SLC26A7: variants seen among roughly 807,000 people sequenced by gnomAD.
The protein encoded by SLC26A7 is solute carrier family 26 member 7.
A neutral mutation model predicts 82.5 loss-of-function variants in SLC26A7; 59 were observed. The observed-to-expected ratio is 0.72, with a 90% CI of 0.58 to 0.89. The LOEUF (loss-of-function observed/expected upper bound fraction) is 0.89, where lower values mean the gene tolerates loss of function less well. SLC26A7 is among the 40% of genes least tolerant of loss of function. SLC26A7 has a pLI of 0.00. For synonymous variants in SLC26A7, 271 were observed against 274.3 expected, an observed-to-expected ratio of 0.99 and a Z score of 0.12; for missense variants, 820 against 793.0, an observed-to-expected ratio of 1.03 and a Z score of -0.41.
In SLC26A7 at chr8:91,397,728, C is replaced by A. The variant is rs752899885; in HGVS notation, c.*2631C>A. On this transcript the variant is annotated 3_prime_UTR_variant, in exon 19 of 19. Coordinates refer to ENST00000276609, the MANE Select transcript of SLC26A7 (RefSeq NM_052832.4). ...TTGCAGTAATTTATTTGACAGATCT[C>A]TATTCTATAAATGTGTAATGTGATG... 6.6e-6 allele frequency: 1 copy of A among 152,500 alleles called. No individual in the cohort carries two copies. Among genetic ancestry groups the A allele is most frequent in the Non-Finnish European group, 1.5e-5 (1 of 67,954 alleles). 9.4% of individuals were successfully genotyped at this position (152,500 alleles called of 1,614,324 possible).
chr8:91,370,513 C>A (rs1338916773), intron 15 of SLC26A7, among the ~76,000 whole-genome samples: 1 of 151,978 alleles, frequency 6.6e-6, no homozygotes, highest in Non-Finnish European at 1.5e-5. Context: ...CAAACTAGCA[C>A]TTTAAAGCTA....
At chr8:91,297,692 A>G (rs929467985) in intron 4 of SLC26A7, among the ~76,000 whole-genome samples, 1 of 152,148 alleles carries the variant, frequency 6.6e-6, no homozygotes, top group African/African-American at 2.4e-5. Flanking sequence ...ATTGTCAACT[A>G]GAAACTTCAA....
At chr8:91,388,335 C>G (rs1028818200) in intron 15 of SLC26A7, among the ~76,000 whole-genome samples, 2 of 152,024 alleles carry the variant, frequency 1.3e-5, no homozygotes, top group Non-Finnish European at 2.9e-5. Flanking sequence ...CAAGCTCCGC[C>G]TCCCGGGTTA....
intron 12 of SLC26A7, among the ~76,000 whole-genome samples, 177 bp from the exon 13 acceptor site, chr8:91,363,295 C>G (rs1373059004): frequency 3.9e-5 from 6 of 151,920 alleles, no homozygotes; most frequent in Non-Finnish European, 8.8e-5. Context: ...TAACCTCTAT[C>G]CCCGAATATC....
intron 3 of SLC26A7, among the ~76,000 whole-genome samples, chr8:91,291,420 T>A (rs1021502217): frequency 6.6e-5 from 10 of 152,320 alleles, no homozygotes; most frequent in Non-Finnish European, 1.3e-4. Context: ...AAAGCCTATT[T>A]TTTCAATTAT....
chr8:91,368,740 A>C (rs1257607067), intron 14 of SLC26A7, among the ~76,000 whole-genome samples: 1 of 152,076 alleles, frequency 6.6e-6, no homozygotes, highest in African/African-American at 2.4e-5. Context: ...GGTATTTTTA[A>C]GAGGAGGGAA....
chr8:91,313,583 G>T (rs1242567127), intron 4 of SLC26A7, among the ~76,000 whole-genome samples: 1 of 151,916 alleles, frequency 6.6e-6, no homozygotes, highest in Non-Finnish European at 1.5e-5. Context: ...AACATTTCAG[G>T]CCCCACCCAA....
intron 2 of SLC26A7, among the ~76,000 whole-genome samples, chr8:91,280,907 C>T (rs936421625): frequency 3.3e-5 from 5 of 152,154 alleles, no homozygotes; most frequent in Admixed American, 2.6e-4. Context: ...AGCTATATTT[C>T]TTTGGGAAAT....
intron 1 of SLC26A7, among the ~76,000 whole-genome samples, chr8:91,215,995 G>T (rs1810039437): frequency 1.3e-5 from 2 of 152,176 alleles, no homozygotes; most frequent in Non-Finnish European, 2.9e-5. Flanking sequence ...TAGAGATGAT[G>T]AATCTAGATG....
intron 6 of SLC26A7, among the ~76,000 whole-genome samples, chr8:91,336,675 T>C (rs1454352540): frequency 6.6e-6 from 1 of 152,156 alleles, no homozygotes; most frequent in African/African-American, 2.4e-5. Flanking sequence ...TACACGCATA[T>C]TGAATTAATA....
intron 1 of SLC26A7, among the ~76,000 whole-genome samples, chr8:91,218,624 T>C (rs981876012): frequency 2.0e-5 from 3 of 152,180 alleles, no homozygotes; most frequent in Non-Finnish European, 2.9e-5. Context: ...TTTCAAACAC[T>C]TTATGGTTAG....
At chr8:91,338,309 G>A in intron 7 of SLC26A7, 77 bp downstream of exon 7, 2 of 908,580 alleles carry the variant, frequency 2.2e-6, no homozygotes, top group Non-Finnish European at 3.3e-6. Flanking sequence ...GGGAGTGAGT[G>A]GGTATGGATA....
Position 91,340,464 on chromosome 8 carries a change from C to T in SLC26A7, c.939C>T (p.Phe313=), listed in dbSNP as rs551383153. 2.8e-5 allele frequency: 45 copies of T among 1,613,846 alleles called. 1 individual carries two copies. Among genetic ancestry groups the T allele is most frequent in the East Asian group, 6.7e-5 (3 of 44,872 alleles). The change falls in exon 8 of 19, where the codon TTC becomes TTT. Residue 313 remains phenylalanine, a synonymous_variant. Coordinates refer to ENST00000276609, the MANE Select transcript of SLC26A7 (RefSeq NM_052832.4). ...TCTCTGCGGTGATCACTGAAGCTTT[C>T]GGAGTGGCACTTGTAGGCTATGTGG... is the stretch of plus-strand genomic sequence containing the variant. ...NILSAVITEA[F]GVALVGYVAS...
intron 15 of SLC26A7, among the ~76,000 whole-genome samples, chr8:91,373,029 G>C (rs1814410717): frequency 2.0e-5 from 3 of 151,700 alleles, no homozygotes; most frequent in African/African-American, 4.8e-5. Context: ...TTCAGCTTCA[G>C]CTTTGTTGGT....
intron 15 of SLC26A7, among the ~76,000 whole-genome samples, chr8:91,384,002 C>T (rs1814732788): frequency 6.6e-6 from 1 of 152,186 alleles, no homozygotes; most frequent in African/African-American, 2.4e-5. Flanking sequence ...CAAGTTCCCA[C>T]CCTTATTACT....
intron 5 of SLC26A7, among the ~76,000 whole-genome samples, chr8:91,333,577 A>AC (rs1349892842): frequency 6.6e-6 from 1 of 152,034 alleles, no homozygotes; most frequent in Non-Finnish European, 1.5e-5. Flanking sequence ...TTTGAGAAGG[A>AC]CCCACCCCAC....
At chr8:91,294,954 T>G (rs936342634) in intron 3 of SLC26A7, among the ~76,000 whole-genome samples, 5 of 152,206 alleles carry the variant, frequency 3.3e-5, no homozygotes, top group African/African-American at 1.2e-4. Flanking sequence ...TGGGAGGATC[T>G]GGGATGGACC....
At position 91,332,862 on chromosome 8, in the gene SLC26A7, CTTA is replaced by C. The variant is rs1813133611; in HGVS notation, c.643-1428_643-1426del. ...TTTTATTATTAGTAACATGTTTTGA[CTTA>C]TTATAAATATACTTTTATGTTTGTT... On this transcript the variant is annotated intron_variant, in intron 5 of 18. Transcript: ENST00000276609. Among the ~76,000 whole-genome samples, 2 of 151,948 alleles carry C rather than the reference CTTA, an allele frequency of 1.3e-5. 1 individual carries two copies. The highest frequency in any genetic ancestry group is 4.1e-4 in the South Asian group (2 of 4,824).
At chr8:91,308,537 C>T (rs976010550) in intron 4 of SLC26A7, among the ~76,000 whole-genome samples, 1 of 152,122 alleles carries the variant, frequency 6.6e-6, no homozygotes, top group African/African-American at 2.4e-5. Context: ...TAGTACTTGT[C>T]AGTTACTCTA....
Sources: allele counts gnomAD v4.1 joint callset (sites outside exome capture counted in the v4.1 genomes callset), GRCh38; gene constraint gnomAD v4.1.1; transcripts MANE v1.5; gene names NCBI Gene and HGNC (gene_info 2026-07-23, HGNC 2026-07-21).